The following SRBD1 variants were observed in gnomAD, a reference collection of about 807,000 sequenced individuals.
SRBD1 encodes the protein S1 RNA binding domain 1.
A neutral mutation model predicts 115.3 loss-of-function variants in SRBD1; 88 were observed. That is an observed-to-expected ratio of 0.76 (90% CI 0.64 to 0.91). SRBD1 has a LOEUF of 0.91. Ranked by LOEUF, SRBD1 falls within the 40% of genes least tolerant of loss-of-function variation. SRBD1 has a pLI of 0.00. For synonymous variants in SRBD1, 509 were observed against 407.7 expected (o/e 1.25, Z -2.99); for missense variants, 1,385 against 1,177.4 (o/e 1.18, Z -2.58).
intron 14 of SRBD1, among the ~76,000 whole-genome samples, chr2:45,537,478 A>T (rs56352438): frequency 6.6e-6 from 1 of 151,882 alleles, no homozygotes; most frequent in Admixed American, 6.6e-5. Flanking sequence ...CTGTGCCTGT[A>T]ACATAGTCTT....
At chr2:45,550,876 C>T (rs1672274879) in intron 12 of SRBD1, among the ~76,000 whole-genome samples, 1 of 152,072 alleles carries the variant, frequency 6.6e-6, no homozygotes, top group African/African-American at 2.4e-5. Flanking sequence ...AAGTCCGAGC[C>T]TAATTAATCC....
intron 16 of SRBD1, among the ~76,000 whole-genome samples, chr2:45,440,134 T>C (rs1185633359): frequency 2.0e-5 from 3 of 152,208 alleles, no homozygotes; most frequent in African/African-American, 7.2e-5. Context: ...TTGGTTCTCA[T>C]TCCATAAATA....
intron 16 of SRBD1, among the ~76,000 whole-genome samples, chr2:45,461,485 C>G (rs1669315136): frequency 1.3e-5 from 2 of 152,178 alleles, no homozygotes; most frequent in South Asian, 4.1e-4. Context: ...CTTGGTCTTT[C>G]AATGGCTGTT....
At chr2:45,505,158 G>C (rs1670760227) in intron 14 of SRBD1, among the ~76,000 whole-genome samples, 1 of 152,074 alleles carries the variant, frequency 6.6e-6, no homozygotes, top group Non-Finnish European at 1.5e-5. Flanking sequence ...GCCTCTTCCT[G>C]AGAAAGGAAA....
rs181343575 is a variant in SRBD1 at position 45,527,302 on chromosome 2, A to T, written c.1874+19430T>A. ...TGATGATTCTTCCTACCCCAGTCAT[A>T]AATGAATTTCCGAAAAAAGTTACAT... On this transcript the variant is annotated intron_variant, in intron 14 of 20. Coordinates refer to ENST00000263736, the MANE Select transcript of SRBD1 (RefSeq NM_018079.5). 1.4e-4 allele frequency among the ~76,000 whole-genome samples: 22 copies of T among 152,032 alleles called. No individual in the cohort carries two copies. The East Asian group carries it at 3.9e-3, about 27-fold the overall frequency.
Position 45,585,723 on chromosome 2 carries a change from G to C in SRBD1, c.700C>G (p.Arg234Gly). The C allele has an allele frequency of 6.2e-7, 1 of 1,611,226 alleles. No individual in the cohort carries two copies. The highest frequency in any genetic ancestry group is 8.5e-7 in the Non-Finnish European group (1 of 1,179,248). ...IEPWVCANII[R>G]LFNDDNTIPF... The stretch of plus-strand genomic sequence containing the variant: ...ATTGTGTTATCATCATTAAAGAGAC[G>C]AATGATGTTGGCACAAACCCAAGGT... Residue 234 changes from arginine to glycine, a missense_variant, in exon 5 of 21, where the codon CGT becomes GGT. By Grantham distance (125) the Arg-to-Gly change is moderately radical. Coordinates refer to ENST00000263736, the MANE Select transcript of SRBD1 (RefSeq NM_018079.5).
chr2:45,475,396 A>T (rs529371593), intron 16 of SRBD1, among the ~76,000 whole-genome samples: 1 of 152,284 alleles, frequency 6.6e-6, no homozygotes, highest in Non-Finnish European at 1.5e-5. Context: ...CCAATGCTTA[A>T]AAATATAAAT....
At chr2:45,431,368 C>G (rs1219976405) in intron 16 of SRBD1, among the ~76,000 whole-genome samples, 2 of 152,148 alleles carry the variant, frequency 1.3e-5, no homozygotes, top group African/African-American at 4.8e-5. Context: ...TTCACAATAG[C>G]AAAGACTTGG....
intron 7 of SRBD1, among the ~76,000 whole-genome samples, chr2:45,575,014 C>G (rs1375979897): frequency 6.6e-6 from 1 of 152,172 alleles, no homozygotes; most frequent in East Asian, 1.9e-4. Flanking sequence ...TTGTGAGACA[C>G]TGGGCAACCT....
intron 9 of SRBD1, among the ~76,000 whole-genome samples, chr2:45,565,994 A>G (rs1160706966): frequency 6.6e-6 from 1 of 152,226 alleles, no homozygotes; most frequent in Non-Finnish European, 1.5e-5. Flanking sequence ...CAAATGACTG[A>G]TAAGTACATG....
At chr2:45,498,843 T>A (rs1027255776) in intron 14 of SRBD1, among the ~76,000 whole-genome samples, 1 of 152,202 alleles carries the variant, frequency 6.6e-6, no homozygotes, top group Non-Finnish European at 1.5e-5. Flanking sequence ...TTTTTATGGT[T>A]GAATAATATC....
chr2:45,494,506 G>C (rs1418125438), intron 14 of SRBD1, among the ~76,000 whole-genome samples: 1 of 151,914 alleles, frequency 6.6e-6, no homozygotes, highest in African/African-American at 2.4e-5. Context: ...TAACATAAAA[G>C]AAAGATAGCT....
chr2:45,560,593 C>T (rs887437534), intron 10 of SRBD1, among the ~76,000 whole-genome samples: 3 of 151,980 alleles, frequency 2.0e-5, no homozygotes, highest in Non-Finnish European at 4.4e-5. Context: ...AGTAGCATGC[C>T]CATAGGTGCA....
intron 14 of SRBD1, among the ~76,000 whole-genome samples, chr2:45,544,040 G>A (rs1435153113): frequency 3.3e-5 from 5 of 151,934 alleles, no homozygotes; most frequent in Non-Finnish European, 4.4e-5. Context: ...AAAGATCCTG[G>A]CTAATACGGT....
At position 45,498,262 on chromosome 2, in the gene SRBD1, G is replaced by A. The variant is rs143967660; in HGVS notation, c.1875-9931C>T. Among the ~76,000 whole-genome samples, 1,123 of 152,182 alleles carry A rather than the reference G, an allele frequency of 7.4e-3. 14 individuals carry two copies. The highest frequency in any genetic ancestry group is 0.011 in the Non-Finnish European group (745 of 67,994). On this transcript the variant is annotated intron_variant, in intron 14 of 20. Coordinates refer to ENST00000263736, the MANE Select transcript of SRBD1 (RefSeq NM_018079.5). ...AATTGGTTTGTCTCCTTACTAGTGA[G>A]TCATAACTGTTCTTTACGTATTCTA...
At chr2:45,438,357 C>T (rs373510697) in intron 16 of SRBD1, among the ~76,000 whole-genome samples, 1 of 152,080 alleles carries the variant, frequency 6.6e-6, no homozygotes, top group Admixed American at 6.5e-5. Flanking sequence ...GCTAGACATA[C>T]AAAAATGCAG....
At chr2:45,498,886 C>T (rs1035577678) in intron 14 of SRBD1, among the ~76,000 whole-genome samples, 5 of 152,144 alleles carry the variant, frequency 3.3e-5, no homozygotes, top group African/African-American at 9.7e-5. Context: ...TTTCTTTATC[C>T]ATTCATCAGC....
intron 16 of SRBD1, among the ~76,000 whole-genome samples, chr2:45,460,817 G>C (rs1021708886): frequency 2.0e-5 from 3 of 152,142 alleles, no homozygotes; most frequent in African/African-American, 7.2e-5. Flanking sequence ...AAGTTTGAGA[G>C]GCCCAACCAA....
intron 16 of SRBD1, among the ~76,000 whole-genome samples, chr2:45,475,022 TA>T (rs1366894933): frequency 1.3e-5 from 2 of 152,216 alleles, no homozygotes; most frequent in African/African-American, 4.8e-5. Context: ...AGTCCAATGT[TA>T]ATATGGCTAT....
Sources: allele counts gnomAD v4.1 joint callset (sites outside exome capture counted in the v4.1 genomes callset), GRCh38; gene constraint gnomAD v4.1.1; transcripts MANE v1.5; gene names NCBI Gene and HGNC (gene_info 2026-07-23, HGNC 2026-07-21).